DEPDC5: variants seen among roughly 807,000 people sequenced by gnomAD.
DEPDC5 encodes GATOR1 complex protein DEPDC5.
DEPDC5 carries 73 observed loss-of-function variants against 217.3 expected under a neutral mutation model. That is an observed-to-expected ratio of 0.34 (90% CI 0.28 to 0.41). DEPDC5 has a LOEUF of 0.41. Among genes scored for constraint, DEPDC5 ranks in the 10% least tolerant of loss-of-function variants. The pLI is 1.00. For synonymous variants in DEPDC5, 733 were observed against 756.7 expected (o/e 0.97, Z 0.51); for missense variants, 1,675 against 2,070.1 (o/e 0.81, Z 3.70).
chr22:31,789,085 T>G (rs572076358), intron 10 of DEPDC5, among the ~76,000 whole-genome samples: 1 of 149,584 alleles, frequency 6.7e-6, no homozygotes, highest in African/African-American at 2.5e-5. Context: ...TTAGTAGTGA[T>G]GTGGTTTCAC....
intron 38 of DEPDC5, among the ~76,000 whole-genome samples, chr22:31,882,758 C>A (rs1000145644): frequency 6.6e-6 from 1 of 150,658 alleles, no homozygotes; most frequent in Non-Finnish European, 1.5e-5. Context: ...TTTTTATTTT[C>A]TTGTTCCTTC....
intron 38 of DEPDC5, among the ~76,000 whole-genome samples, chr22:31,888,508 T>G (rs2093367790): frequency 6.6e-6 from 1 of 151,912 alleles, no homozygotes; most frequent in African/African-American, 2.4e-5. Context: ...TGCCTTGGCC[T>G]CCCAAAGTGC....
At chr22:31,842,945 G>T (rs5998138) in intron 27 of DEPDC5, 150 bp from the exon 28 acceptor site, 157 of 659,368 alleles carry the variant, frequency 2.4e-4, no homozygotes, top group African/African-American at 2.2e-3. Flanking sequence ...TTTTTTGTTT[G>T]TTTTTTTTAA....
chr22:31,824,845 G>A (rs374435348), intron 24 of DEPDC5, among the ~76,000 whole-genome samples: 12 of 151,904 alleles, frequency 7.9e-5, no homozygotes, highest in Middle Eastern at 3.4e-3. Context: ...GCGTGGTGGC[G>A]GGCACCTGTA....
intron 14 of DEPDC5, among the ~76,000 whole-genome samples, 167 bp from the exon 15 acceptor site, chr22:31,802,537 C>T (rs115938481): frequency 2.5e-4 from 38 of 152,044 alleles, no homozygotes; most frequent in African/African-American, 8.7e-4. Context: ...TCAAGTAGTT[C>T]TTAATATGGA....
At chr22:31,881,097 G>C (rs2093162431) in intron 38 of DEPDC5, among the ~76,000 whole-genome samples, 1 of 151,846 alleles carries the variant, frequency 6.6e-6, no homozygotes, top group Admixed American at 6.6e-5. Context: ...GATCACCTGA[G>C]GTCAAGAGTT....
intron 10 of DEPDC5, among the ~76,000 whole-genome samples, chr22:31,789,474 G>A (rs2085388910): frequency 6.6e-6 from 1 of 152,174 alleles, no homozygotes; most frequent in Non-Finnish European, 1.5e-5. Flanking sequence ...GCCAGGGACT[G>A]AGGGTGGGGA....
intron 18 of DEPDC5, 78 bp from the exon 19 acceptor site, chr22:31,809,533 G>A (rs2087988199): frequency 1.3e-6 from 2 of 1,505,056 alleles, no homozygotes; most frequent in Admixed American, 1.7e-5. Flanking sequence ...CCTGGGAGCA[G>A]CACATATATA....
intron 27 of DEPDC5, among the ~76,000 whole-genome samples, chr22:31,842,494 G>T (rs2091453553): frequency 6.8e-6 from 1 of 147,242 alleles, no homozygotes; most frequent in Admixed American, 7.0e-5. Context: ...AGAATTGCTT[G>T]AACCCAGGAG....
chr22:31,784,545 C>G, intron 9 of DEPDC5: 1 of 300,042 alleles, frequency 3.3e-6, no homozygotes. Context: ...AGGAGAATCG[C>G]TTGAACCTGG....
At chr22:31,806,991 G>T (rs2087621943) in intron 18 of DEPDC5, among the ~76,000 whole-genome samples, 1 of 152,162 alleles carries the variant, frequency 6.6e-6, no homozygotes, top group Admixed American at 6.6e-5. Flanking sequence ...TAACCTGGGT[G>T]GCTAAGTGAG....
chr22:31,756,187 C>T (rs913042203), intron 2 of DEPDC5, among the ~76,000 whole-genome samples: 9 of 151,982 alleles, frequency 5.9e-5, no homozygotes, highest in African/African-American at 2.2e-4. Context: ...TGGCATGAGT[C>T]TTTTTAACAT....
rs191966528 is a variant in DEPDC5 at position 31,874,879 on chromosome 22, G to A, written c.3696+474G>A. ...TGTCTCCTGCCTCAACCAGCTCCTT[G>A]AGAGCAGGATCACCTCTTATTTTCC... is the stretch of plus-strand genomic sequence containing the variant. On this transcript the variant is annotated intron_variant, in intron 36 of 42. Transcript: ENST00000651528. Among the ~76,000 whole-genome samples the A allele has an allele frequency of 2.0e-5, 3 of 152,268 alleles. No homozygotes were observed. In the East Asian group the frequency reaches 5.8e-4, roughly 29 times the overall value.
At chr22:31,776,619 C>G (rs1200832489) in intron 7 of DEPDC5, among the ~76,000 whole-genome samples, 1 of 148,702 alleles carries the variant, frequency 6.7e-6, no homozygotes, top group Admixed American at 6.8e-5. Flanking sequence ...TCTTGTTGCC[C>G]AGGCTGGAGT....
At chr22:31,802,110 A>C (rs2086923701) in intron 14 of DEPDC5, among the ~76,000 whole-genome samples, 1 of 148,244 alleles carries the variant, frequency 6.7e-6, no homozygotes, top group Admixed American at 6.8e-5. Flanking sequence ...GGAAGGTTTA[A>C]ATTAACAGCA....
At chr22:31,784,024 G>C (rs1371578764) in intron 9 of DEPDC5, 39 bp downstream of exon 9, 1 of 1,539,756 alleles carries the variant, frequency 6.5e-7, no homozygotes, top group Non-Finnish European at 8.8e-7. Context: ...GCTAAGGGGA[G>C]AATTTTCTGG....
At chr22:31,797,818 T>C in intron 13 of DEPDC5, 115 bp downstream of exon 13, 1 of 812,444 alleles carries the variant, frequency 1.2e-6, no homozygotes, top group Non-Finnish European at 2.0e-6. Flanking sequence ...TAGTTTCTGC[T>C]TTTGGTCAGG....
intron 13 of DEPDC5, among the ~76,000 whole-genome samples, chr22:31,798,262 G>A (rs2086479398): frequency 6.6e-6 from 1 of 152,064 alleles, no homozygotes; most frequent in African/African-American, 2.4e-5. Flanking sequence ...CAGGTGTGAT[G>A]TCTCATGCCT....
chr22:31,841,285 T>C (rs889881409), intron 27 of DEPDC5, among the ~76,000 whole-genome samples: 1 of 152,236 alleles, frequency 6.6e-6, no homozygotes, highest in Non-Finnish European at 1.5e-5. Context: ...ACAGTGAATA[T>C]TATTTCAGCC....
Sources: allele counts gnomAD v4.1 joint callset (sites outside exome capture counted in the v4.1 genomes callset), GRCh38; gene constraint gnomAD v4.1.1; transcripts MANE v1.5; gene names NCBI Gene and HGNC (gene_info 2026-07-23, HGNC 2026-07-21).